The following MAP4K3 variants were observed in gnomAD, a reference collection of about 807,000 sequenced individuals.
MAP4K3 encodes MAPK/ERK kinase kinase kinase 3.
In MAP4K3, 94 loss-of-function variants were observed where a neutral mutation model predicts 143.5. That is an observed-to-expected ratio of 0.65 (90% CI 0.55 to 0.78). The LOEUF (loss-of-function observed/expected upper bound fraction) is 0.78, where lower values mean the gene tolerates loss of function less well. MAP4K3 is among the 30% of genes least tolerant of loss of function. The probability of loss-of-function intolerance (pLI) is 0.00; values close to 1 mark genes in which losing one functional copy is unlikely to be tolerated. For missense variants in MAP4K3, 1,077 were observed against 1,068.1 expected (o/e 1.01, Z -0.12); for synonymous variants, 416 against 347.2 (o/e 1.20, Z -2.20).
chr2:39,262,535 T>C (rs551691113), intron 28 of MAP4K3, among the ~76,000 whole-genome samples: 14 of 152,310 alleles, frequency 9.2e-5, no homozygotes, highest in Admixed American at 9.1e-4. Context: ...TTTAAACTTT[T>C]ACAGTTTAAA....
At position 39,260,723 on chromosome 2, in the gene MAP4K3, G is replaced by A; in HGVS notation, c.2191C>T (p.Pro731Ser). 1 of 1,613,678 alleles carries A rather than the reference G, an allele frequency of 6.2e-7. No homozygotes were observed. Among genetic ancestry groups the A allele is most frequent in the Non-Finnish European group, 8.5e-7 (1 of 1,179,656 alleles). The stretch of plus-strand genomic sequence containing the variant: ...CAAACTAAAGGGTACTCCTGTTCAG[G>A]AACTACCAGCATTTCAAACATTCTA... ...PLRMFEMLVV[P>S]EQEYPLVCVG... Residue 731 changes from proline to serine, a missense_variant, in exon 29 of 34, where the codon CCT becomes TCT. By Grantham distance (74) the Pro-to-Ser change is moderately conservative. This residue lies in a region of MAP4K3 where 864 missense variants were observed against 801.2 expected (regional missense o/e 1.08). Transcript: ENST00000263881.
intron 28 of MAP4K3, among the ~76,000 whole-genome samples, chr2:39,264,510 C>T (rs557415926): frequency 6.6e-6 from 1 of 152,000 alleles, no homozygotes; most frequent in African/African-American, 2.4e-5. Flanking sequence ...TAGGAAGAAC[C>T]CCACTCCAGC....
intron 28 of MAP4K3, 160 bp from the exon 29 acceptor site, chr2:39,260,937 T>A (rs866320073): frequency 1.8e-6 from 1 of 568,690 alleles, no homozygotes; most frequent in Non-Finnish European, 3.1e-6. Context: ...TTTATAAACA[T>A]TTTAGGTTTA....
chr2:39,257,334 C>A (rs1294483487), intron 31 of MAP4K3, among the ~76,000 whole-genome samples: 1 of 152,040 alleles, frequency 6.6e-6, no homozygotes, highest in Non-Finnish European at 1.5e-5. Context: ...TCCTATTAAG[C>A]AAAATGTGAG....
chr2:39,373,176 A>G (rs1432451586), intron 2 of MAP4K3, among the ~76,000 whole-genome samples: 1 of 152,260 alleles, frequency 6.6e-6, no homozygotes, highest in Non-Finnish European at 1.5e-5. Flanking sequence ...GCAAACAGGT[A>G]TATGAAAAGG....
chr2:39,433,221 CTTTGTGTATCCA>C (rs1207849973), intron 1 of MAP4K3, among the ~76,000 whole-genome samples: 2 of 152,164 alleles, frequency 1.3e-5, no homozygotes, highest in African/African-American at 4.8e-5. Flanking sequence ...AGCCTGGAGT[CTTTGTGTATCCA>C]GTCTTGGATA....
intron 33 of MAP4K3, among the ~76,000 whole-genome samples, chr2:39,251,536 A>G (rs1680155655): frequency 6.6e-6 from 1 of 152,226 alleles, no homozygotes. Flanking sequence ...TATCGGCATT[A>G]ACAACACAAA....
chr2:39,365,476 C>T (rs1189066550), intron 2 of MAP4K3, among the ~76,000 whole-genome samples: 5 of 119,648 alleles, frequency 4.2e-5, no homozygotes, highest in East Asian at 2.5e-4. Context: ...CTCGCTCTGT[C>T]GCCCAGGCCG....
chr2:39,334,717 C>T (rs958188934), intron 6 of MAP4K3, among the ~76,000 whole-genome samples: 1 of 152,140 alleles, frequency 6.6e-6, no homozygotes, highest in Non-Finnish European at 1.5e-5. Context: ...CCCTCCTTTC[C>T]CTCCCTGAGA....
At chr2:39,297,560 A>G (rs1682334443) in intron 16 of MAP4K3, among the ~76,000 whole-genome samples, 1 of 152,194 alleles carries the variant, frequency 6.6e-6, no homozygotes, top group Non-Finnish European at 1.5e-5. Flanking sequence ...GAAAAAGAAA[A>G]GACCTATGTT....
At chr2:39,403,690 G>A (rs918130525) in intron 1 of MAP4K3, among the ~76,000 whole-genome samples, 3 of 151,948 alleles carry the variant, frequency 2.0e-5, no homozygotes, top group Admixed American at 6.6e-5. Context: ...AGGCAAAGTC[G>A]TAGGGCTGAG....
chr2:39,264,510 C>G (rs557415926), intron 28 of MAP4K3, among the ~76,000 whole-genome samples: 77 of 152,114 alleles, frequency 5.1e-4, no homozygotes, highest in African/African-American at 1.7e-3. Context: ...TAGGAAGAAC[C>G]CCACTCCAGC....
intron 1 of MAP4K3, among the ~76,000 whole-genome samples, chr2:39,396,090 G>T (rs2148601656): frequency 6.6e-6 from 1 of 152,288 alleles, no homozygotes; most frequent in East Asian, 1.9e-4. Context: ...CAGCTGGAAT[G>T]TAGTGGCATC....
At chr2:39,409,003 A>C (rs766282894) in intron 1 of MAP4K3, among the ~76,000 whole-genome samples, 1 of 152,286 alleles carries the variant, frequency 6.6e-6, no homozygotes, top group Non-Finnish European at 1.5e-5. Context: ...AGAAATTACA[A>C]TGTATTTCTG....
Position 39,260,686 on chromosome 2 carries a change from C to T in MAP4K3, c.2228G>A (p.Ser743Asn). ...QEYPLVCVGVSRGRDFNQVVR... is the reference protein window; with the variant it reads ...QEYPLVCVGVNRGRDFNQVVR... ...CACTTGGTTGAAGTCTCTACCTCTA[C>T]TGACACCAACACAAACTAAAGGGTA... Residue 743 changes from serine to asparagine, a missense_variant, in exon 29 of 34, where the codon AGT becomes AAT. Physicochemically the swap from Ser to Asn is conservative, Grantham distance 46. Around this residue, in one of 2 missense-constraint regions of MAP4K3, gnomAD observed 864 missense variants for 801.2 expected, o/e 1.08. Coordinates refer to ENST00000263881, the MANE Select transcript of MAP4K3 (RefSeq NM_003618.4). 6.2e-7 allele frequency: 1 copy of T among 1,613,834 alleles called. No individual in the cohort carries two copies. The highest frequency in any genetic ancestry group is 1.1e-5 in the South Asian group (1 of 91,076).
intron 1 of MAP4K3, among the ~76,000 whole-genome samples, chr2:39,389,772 G>A (rs1397570140): frequency 1.3e-5 from 2 of 151,712 alleles, no homozygotes; most frequent in Non-Finnish European, 2.9e-5. Context: ...TTCTTCTAAA[G>A]GATGTATTTC....
At chr2:39,282,597 G>A (rs1403914848) in intron 21 of MAP4K3, 43 bp from the exon 22 acceptor site, 1 of 1,330,708 alleles carries the variant, frequency 7.5e-7, no homozygotes, top group Admixed American at 1.7e-5. Context: ...TTTTGCTGCT[G>A]TTTGATATAA....
chr2:39,390,642 G>A (rs931728089), intron 1 of MAP4K3, among the ~76,000 whole-genome samples: 1 of 152,098 alleles, frequency 6.6e-6, no homozygotes, highest in African/African-American at 2.4e-5. Flanking sequence ...TAGCAACAGG[G>A]AGTAAGTGGT....
At chr2:39,267,546 G>C in intron 26 of MAP4K3, 1 of 266,064 alleles carries the variant, frequency 3.8e-6, no homozygotes. Context: ...GGTGGTGTAT[G>C]CCTGTAATCC....
Sources: gnomAD v4.1 joint callset for allele counts (sites outside exome capture counted in the v4.1 genomes callset) on GRCh38, gnomAD v4.1.1 for gene constraint, gnomAD v4.1.1 regional missense constraint, MANE v1.5 for transcripts, NCBI Gene and HGNC (gene_info 2026-07-23, HGNC 2026-07-21) for gene names.